Variants in ZDHHC11 observed in about 807,000 individuals in gnomAD.
ZDHHC11 encodes zDHHC palmitoyltransferase 11, also known as palmitoyltransferase ZDHHC11.
Under a neutral mutation model 51.3 loss-of-function variants are expected in ZDHHC11, and 44 were observed. The observed-to-expected ratio is 0.86, with a 90% CI of 0.67 to 1.10. The LOEUF (loss-of-function observed/expected upper bound fraction) is 1.10. Among genes scored for constraint, ZDHHC11 ranks in the 50% least tolerant of loss-of-function variants. ZDHHC11 has a pLI of 0.00. For synonymous variants in ZDHHC11, 163 were observed against 222.0 expected (o/e 0.73, Z 2.36); for missense variants, 400 against 537.7 (o/e 0.74, Z 2.53).
At chr5:848,927 G>T (rs1746699634) in intron 1 of ZDHHC11, among the ~76,000 whole-genome samples, 1 of 149,446 alleles carries the variant, frequency 6.7e-6, no homozygotes, top group African/African-American at 2.5e-5. Flanking sequence ...AGCCAGCCCT[G>T]CACAGCCAGC....
At chr5:809,015 G>C (rs375723685) in intron 11 of ZDHHC11, among the ~76,000 whole-genome samples, 4 of 82,780 alleles carry the variant, frequency 4.8e-5, no homozygotes, top group African/African-American at 2.3e-4. Context: ...ACACACACAC[G>C]CACACTATTT....
At chr5:848,800 C>G in intron 1 of ZDHHC11, 140 bp from the exon 2 acceptor site, 4 of 1,275,746 alleles carry the variant, frequency 3.1e-6, no homozygotes, top group Non-Finnish European at 4.3e-6. Flanking sequence ...CCCAGCTCAC[C>G]CAGGCCTGGC....
intron 9 of ZDHHC11, 106 bp downstream of exon 9, chr5:821,755 G>T: frequency 1.7e-6 from 2 of 1,170,878 alleles, no homozygotes; most frequent in Non-Finnish European, 2.4e-6. Context: ...CAGGATATTT[G>T]AAGACATTAA....
chr5:843,183 C>G (rs1241994030), intron 4 of ZDHHC11, among the ~76,000 whole-genome samples: 3 of 152,282 alleles, frequency 2.0e-5, no homozygotes, highest in African/African-American at 4.8e-5. Flanking sequence ...AGCCTACAGC[C>G]CAGCACCCTC....
At chr5:854,885 T>C (rs1363075042), upstream of ZDHHC11, among the ~76,000 whole-genome samples, 78 of 66,364 alleles carry the variant, frequency 1.2e-3, no homozygotes, top group East Asian at 3.1e-3. Flanking sequence ...CCATGGAGGA[T>C]AGCAAGCCAG....
intron 10 of ZDHHC11, chr5:816,491 A>G: frequency 2.0e-6 from 1 of 502,778 alleles, no homozygotes; most frequent in Non-Finnish European, 4.0e-6. Context: ...AAAACGGACA[A>G]GTGGGATGGA....
chr5:816,495 G>T, intron 10 of ZDHHC11: 1 of 505,342 alleles, frequency 2.0e-6, no homozygotes. Context: ...CGGACAAGTG[G>T]GATGGATCAG....
rs1402077159 is a variant in ZDHHC11, at chr5:797,226, G to A, written c.*8-646C>T. On this transcript the variant is annotated intron_variant, in intron 12 of 12. Coordinates refer to ENST00000283441, the MANE Select transcript of ZDHHC11 (RefSeq NM_024786.3). ...TGTCTAAATACATATGTGTGTGTGT[G>A]TATATATATATATATTCTTTGTTTA... Among the ~76,000 whole-genome samples the A allele has an allele frequency of 7.0e-3, 880 of 125,628 alleles. 8 individuals are homozygous for A. Among genetic ancestry groups the A allele is most frequent in the Non-Finnish European group, 0.01 (585 of 55,736 alleles). The allele number at this position is 125,628 out of a possible 152,430, so 82.4% of individuals were successfully genotyped here.
At position 847,516 on chromosome 5, in the gene ZDHHC11, A is replaced by G. The variant is rs771443067; in HGVS notation, c.501T>C (p.Tyr167=). The G allele has an allele frequency of 1.8e-5, 21 of 1,148,462 alleles. No homozygotes were observed. In the Admixed American group the frequency reaches 3.7e-4, roughly 20 times the overall value. The allele number at this position is 1,148,462 out of a possible 1,614,324, so 71.1% of individuals were successfully genotyped here. ...WINNCVGSRN[Y]WFFFSTVASA... ...GCCATCCCCTCTGTGCCCCTCACCA[A>G]TAATTCCGGCTTCCCACGCAGTTGT... is the stretch of plus-strand genomic sequence containing the variant. The change falls in exon 3 of 13, where the codon TAT becomes TAC. Residue 167 remains tyrosine, a splice_region_variant and synonymous_variant. Transcript: ENST00000283441.
intron 6 of ZDHHC11, among the ~76,000 whole-genome samples, chr5:834,744 C>T (rs1743586272): frequency 6.6e-6 from 1 of 152,266 alleles, no homozygotes; most frequent in South Asian, 2.1e-4. Context: ...CGCCATTTTC[C>T]CCGCAGTGTG....
At chr5:855,177 G>A (rs1243386739), upstream of ZDHHC11, among the ~76,000 whole-genome samples, 1 of 147,250 alleles carries the variant, frequency 6.8e-6, no homozygotes, top group Non-Finnish European at 1.5e-5. Flanking sequence ...ACAGAGAACA[G>A]AGAGCCGGGG....
At chr5:803,922 G>C (rs2081939) in intron 11 of ZDHHC11, among the ~76,000 whole-genome samples, 29,465 of 147,572 alleles carry the variant, frequency 0.2, 4,163 homozygotes, top group African/African-American at 0.4. Flanking sequence ...CAGCTAAGTT[G>C]AAGACAATCG....
chr5:859,733 T>C (rs117233865), upstream of ZDHHC11, among the ~76,000 whole-genome samples: 2 of 152,274 alleles, frequency 1.3e-5, no homozygotes, highest in East Asian at 1.9e-4. Context: ...CCACGACCCA[T>C]GACAAGGAAG....
At chr5:829,678 C>A (rs1742824395) in intron 7 of ZDHHC11, among the ~76,000 whole-genome samples, 1 of 151,398 alleles carries the variant, frequency 6.6e-6, no homozygotes, top group African/African-American at 2.4e-5. Flanking sequence ...CATGAAAGGA[C>A]ATAGCAAAAA....
intron 2 of ZDHHC11, chr5:847,915 T>C (rs1438809345): frequency 2.6e-5 from 14 of 534,168 alleles, no homozygotes; most frequent in Admixed American, 2.2e-4. Flanking sequence ...GCCATGGCCC[T>C]GGAGGAGGCC....
intron 12 of ZDHHC11, among the ~76,000 whole-genome samples, chr5:798,303 G>C (rs1737884885): frequency 6.6e-6 from 1 of 150,864 alleles, no homozygotes; most frequent in African/African-American, 2.5e-5. Flanking sequence ...TTTCTCTTTG[G>C]GTTCCTCTGT....
At chr5:853,121 T>G (rs1487313751), upstream of ZDHHC11, among the ~76,000 whole-genome samples, 452 of 36,250 alleles carry the variant, frequency 0.012, no homozygotes, top group Middle Eastern at 0.019. Flanking sequence ...GGAGGACAAT[T>G]AGCAGCGGGG....
At chr5:809,017 ACACT>A (rs1302212388) in intron 11 of ZDHHC11, among the ~76,000 whole-genome samples, 5 of 148,232 alleles carry the variant, frequency 3.4e-5, no homozygotes, top group Admixed American at 6.7e-5. Context: ...ACACACACGC[ACACT>A]ATTTATTCCC....
upstream of ZDHHC11, among the ~76,000 whole-genome samples, chr5:859,767 A>G (rs1748694015): frequency 6.6e-6 from 1 of 152,146 alleles, no homozygotes; most frequent in African/African-American, 2.4e-5. Context: ...AAGGGCCAGC[A>G]AGTGTGTTTA....
Sources: allele counts gnomAD v4.1 joint callset (sites outside exome capture counted in the v4.1 genomes callset), GRCh38; gene constraint gnomAD v4.1.1; transcripts MANE v1.5; gene names NCBI Gene and HGNC (gene_info 2026-07-23, HGNC 2026-07-21).